The following MAN1B1 variants were observed in gnomAD, a reference collection of about 807,000 sequenced individuals.
MAN1B1 encodes the protein mannosidase alpha class 1B member 1, also known as endoplasmic reticulum mannosyl-oligosaccharide 1,2-alpha-mannosidase.
Under a neutral mutation model 75.5 loss-of-function variants are expected in MAN1B1, and 66 were observed. The ratio of observed to expected loss-of-function variants is 0.87; its 90% CI spans 0.72 to 1.07. The LOEUF (loss-of-function observed/expected upper bound fraction) is 1.07. MAN1B1 is among the 50% of genes least tolerant of loss of function. The pLI is 0.00. For synonymous variants in MAN1B1, 453 were observed against 382.8 expected (o/e 1.18, Z -2.14); for missense variants, 973 against 912.5 (o/e 1.07, Z -0.85).
intron 3 of MAN1B1, among the ~76,000 whole-genome samples, chr9:137,091,852 C>T (rs777349292): frequency 6.6e-6 from 1 of 152,076 alleles, no homozygotes; most frequent in Admixed American, 6.6e-5. Context: ...GAGATGAGGT[C>T]TCACTATGTT....
chr9:137,088,369 T>C (rs368058446), intron 2 of MAN1B1, 186 bp downstream of exon 2: 2 of 1,589,642 alleles, frequency 1.3e-6, no homozygotes, highest in Non-Finnish European at 8.5e-7. Flanking sequence ...GTTAATTTGA[T>C]GCTGTCTGAC....
rs1409867330 is a variant in MAN1B1, at chr9:137,097,841, G to A, written c.634G>A (p.Val212Met). 6.4e-7 allele frequency: 1 copy of A among 1,554,952 alleles called. No homozygotes were observed. The highest frequency in any genetic ancestry group is 8.7e-7 in the Non-Finnish European group (1 of 1,149,520). The change falls in exon 5 of 13, where the codon GTG (valine) becomes ATG (methionine). Residue 212 changes from valine (V) to methionine (M), a missense_variant. Val to Met is a conservative substitution (Grantham distance 21). Transcript: ENST00000371589. ...TCTCCCCCGAAGCTGGAGGGGAGCG[G>A]TGATCGAGCCTGAGCAGGGCACCGA... ...QRTVISWRGAVIEPEQGTELP... is the reference protein window; with the variant it reads ...QRTVISWRGAMIEPEQGTELP...
rs759416720 is a variant in MAN1B1 at position 137,108,620 on chromosome 9, G to T, written c.*29G>T. ...GGATGGCTGCTGGTGTGGGGACTTC[G>T]GGTGGGCAGAGGCACCTTGCTGGGT... On this transcript the variant is annotated 3_prime_UTR_variant, in exon 13 of 13. Transcript: ENST00000371589. The T allele has an allele frequency of 6.2e-7, 1 of 1,608,592 alleles. No individual in the cohort carries two copies. Among genetic ancestry groups the T allele is most frequent in the Non-Finnish European group, 8.5e-7 (1 of 1,175,684 alleles).
In MAN1B1 at chr9:137,107,318, C is replaced by T; in HGVS notation, c.1635C>T (p.His545=). ...LGVYHGLPAS[H]MELAQELMET... ...TCTACCACGGCCTGCCCGCCAGCCA[C>T]ATGGAGCTGGCCCAGGAGCTCATGG... is the stretch of plus-strand genomic sequence containing the variant. The change falls in exon 11 of 13, where the codon CAC becomes CAT. Residue 545 remains histidine, a synonymous_variant. Coordinates refer to ENST00000371589, the MANE Select transcript of MAN1B1 (RefSeq NM_016219.5). The T allele has an allele frequency of 6.2e-7, 1 of 1,613,230 alleles. No homozygotes were observed. The highest frequency in any genetic ancestry group is 8.5e-7 in the Non-Finnish European group (1 of 1,180,002).
At chr9:137,096,762 G>C (rs1054736030) in intron 4 of MAN1B1, among the ~76,000 whole-genome samples, 1 of 152,204 alleles carries the variant, frequency 6.6e-6, no homozygotes, top group Non-Finnish European at 1.5e-5. Context: ...GGAGTTGCCC[G>C]GTGCCCAGGC....
In MAN1B1 at chr9:137,104,070, A is replaced by C. The variant is rs1021086046; in HGVS notation, c.1255-2055A>C. 4 of 453,648 alleles carry C rather than the reference A, an allele frequency of 8.8e-6. No individual in the cohort carries two copies. The East Asian group carries it at 2.8e-4, about 32-fold the overall frequency. 28.1% of individuals were successfully genotyped at this position (453,648 alleles called of 1,614,324 possible). A position where few individuals can be genotyped will look rare whatever the true frequency, so the allele number is the denominator to read the frequency against. On this transcript the variant is annotated intron_variant, in intron 8 of 12. Coordinates refer to ENST00000371589, the MANE Select transcript of MAN1B1 (RefSeq NM_016219.5). ...ACATTCATGCTGTTGTGCAGCTATC[A>C]CTTCCATCTCCAGAGCCCTTTTCAT...
Position 137,109,075 on chromosome 9 carries a change from T to C in MAN1B1, c.*484T>C, listed in dbSNP as rs1275753239. Reference sequence around the variant, plus strand: ...TACAAGCTGGACTCAGGGATCCTCCTGGCCGCCCCGCAGGGGGCTTGGAGG... The same window carrying C: ...TACAAGCTGGACTCAGGGATCCTCCCGGCCGCCCCGCAGGGGGCTTGGAGG... On this transcript the variant is annotated 3_prime_UTR_variant, in exon 13 of 13. Coordinates refer to ENST00000371589, the MANE Select transcript of MAN1B1 (RefSeq NM_016219.5). 2 of 453,922 alleles carry C rather than the reference T, an allele frequency of 4.4e-6. No individual in the cohort carries two copies. Among genetic ancestry groups the C allele is most frequent in the African/African-American group, 4.0e-5 (2 of 49,944 alleles). The allele number at this position is 453,922 out of a possible 1,614,324, so 28.1% of individuals were successfully genotyped here.
chr9:137,107,685 C>T (rs1278590913), intron 12 of MAN1B1, 23 bp downstream of exon 12: 27 of 1,610,080 alleles, frequency 1.7e-5, no homozygotes, highest in East Asian at 2.2e-5. Context: ...CCTCGCCCCG[C>T]GTGGTCACGG....
At position 137,108,669 on chromosome 9, in the gene MAN1B1, C is replaced by T. The variant is rs779528013; in HGVS notation, c.*78C>T. On this transcript the variant is annotated 3_prime_UTR_variant, in exon 13 of 13. Coordinates refer to ENST00000371589, the MANE Select transcript of MAN1B1 (RefSeq NM_016219.5). The stretch of plus-strand genomic sequence containing the variant: ...GTCTGTGGCATTTTCCAAGGGCCCA[C>T]GTAGCACCGGCAACCGCCAAGTGGC... The T allele has an allele frequency of 5.4e-5, 76 of 1,394,648 alleles. No homozygotes were observed. The highest frequency in any genetic ancestry group is 8.5e-5 in the African/African-American group (6 of 70,270). The allele number at this position is 1,394,648 out of a possible 1,614,324, so 86.4% of individuals were successfully genotyped here. A position where few individuals can be genotyped will look rare whatever the true frequency, so the allele number is the denominator to read the frequency against.
chr9:137,101,135 C>T lies in MAN1B1; in HGVS notation c.1047C>T (p.Ser349=). The T allele has an allele frequency of 6.2e-7, 1 of 1,613,994 alleles. No individual in the cohort carries two copies. Among genetic ancestry groups the T allele is most frequent in the Non-Finnish European group, 8.5e-7 (1 of 1,180,028 alleles). ...LLSAYHLSGD[S]LFLRKAEDFG... Reference sequence around the variant, plus strand: ...GTGCCTACCACCTGTCTGGGGACAGCCTCTTCCTGAGGAAAGCTGTAAGTG... The same window carrying T: ...GTGCCTACCACCTGTCTGGGGACAGTCTCTTCCTGAGGAAAGCTGTAAGTG... Residue 349 remains serine, a synonymous_variant, in exon 7 of 13, where the codon AGC becomes AGT. Transcript: ENST00000371589.
rs1292003544 is a variant in MAN1B1 at position 137,108,445 on chromosome 9, C to G, written c.1954C>G (p.Pro652Ala). 2 of 1,613,898 alleles carry G rather than the reference C, an allele frequency of 1.2e-6. No homozygotes were observed. Among genetic ancestry groups the G allele is most frequent in the African/African-American group, 2.7e-5 (2 of 75,016 alleles). ...TGTCCAGGATCCTCAGAAGCCCGAG[C>G]CTAGGGACAAGATGGAGAGCTTCTT... is the stretch of plus-strand genomic sequence containing the variant. ...NNVQDPQKPEPRDKMESFFLG... is the reference protein window; with the variant it reads ...NNVQDPQKPEARDKMESFFLG... The change falls in exon 13 of 13, where the codon CCT (proline) becomes GCT (alanine). Residue 652 changes from proline (P) to alanine (A), a missense_variant. Transcript: ENST00000371589.
At chr9:137,089,027 G>C in intron 3 of MAN1B1, 22 bp downstream of exon 3, 1 of 1,613,766 alleles carries the variant, frequency 6.2e-7, no homozygotes, top group Non-Finnish European at 8.5e-7. Context: ...AAATGGTGTG[G>C]GGTTATAACT....
intron 8 of MAN1B1, chr9:137,105,632 G>A (rs532656112): frequency 3.1e-5 from 10 of 321,634 alleles, no homozygotes; most frequent in South Asian, 7.7e-5. Flanking sequence ...CCAGCTGGGC[G>A]TAAGCCCTGA....
At position 137,099,882 on chromosome 9, in the gene MAN1B1, G is replaced by A; in HGVS notation, c.916+1G>A. 1 of 1,614,138 alleles carries A rather than the reference G, an allele frequency of 6.2e-7. No individual in the cohort carries two copies. Among genetic ancestry groups the A allele is most frequent in the South Asian group, 1.1e-5 (1 of 91,086 alleles). The stretch of plus-strand genomic sequence containing the variant: ...ATGTGGATCTTGGGTCTGAGGAAAG[G>A]TACCTGGTGCTTTCTGGGGAGGGGC... On this transcript the variant is annotated splice_donor_variant, in intron 6 of 12. Transcript: ENST00000371589. LOFTEE classifies it high-confidence loss of function.
intron 7 of MAN1B1, among the ~76,000 whole-genome samples, 154 bp downstream of exon 7, chr9:137,101,307 C>T (rs758711661): frequency 7.9e-5 from 12 of 152,146 alleles, no homozygotes; most frequent in Non-Finnish European, 1.5e-4. Flanking sequence ...CTGATGAAGC[C>T]ACTTTGATCA....
intron 4 of MAN1B1, 111 bp downstream of exon 4, chr9:137,096,502 T>A: frequency 1.5e-6 from 2 of 1,352,988 alleles, no homozygotes; most frequent in Non-Finnish European, 2.1e-6. Flanking sequence ...AAACTGACAG[T>A]GTATGCTCTG....
intron 8 of MAN1B1, chr9:137,103,505 T>C (rs1419339326): frequency 2.3e-6 from 1 of 438,608 alleles, no homozygotes; most frequent in African/African-American, 2.1e-5. Context: ...TTCACGCTAT[T>C]GCAGGCGTGC....
intron 12 of MAN1B1, 152 bp downstream of exon 12, chr9:137,107,814 A>T (rs1293389556): frequency 2.0e-6 from 2 of 1,020,776 alleles, no homozygotes; most frequent in Non-Finnish European, 3.0e-6. Context: ...GCCACACTGC[A>T]GCTTGGGGGC....
chr9:137,101,957 CAGT>C (rs1360284229), intron 8 of MAN1B1: 2 of 558,440 alleles, frequency 3.6e-6, no homozygotes, highest in African/African-American at 4.3e-5. Context: ...GCGTACAGGT[CAGT>C]GGTGTTACAC....
Sources: gnomAD v4.1 joint callset for allele counts (sites outside exome capture counted in the v4.1 genomes callset) on GRCh38, gnomAD v4.1.1 for gene constraint, MANE v1.5 for transcripts, NCBI Gene and HGNC (gene_info 2026-07-23, HGNC 2026-07-21) for gene names.